Variants in DUS3L observed in about 807,000 individuals in gnomAD.
DUS3L encodes the protein tRNA-dihydrouridine(47) synthase [NAD(P)(+)]-like.
Under a neutral mutation model 74.6 loss-of-function variants are expected in DUS3L, and 62 were observed. The ratio of observed to expected loss-of-function variants is 0.83; its 90% CI spans 0.68 to 1.03. DUS3L has a LOEUF of 1.03. Among genes scored for constraint, DUS3L ranks in the 50% least tolerant of loss-of-function variants. DUS3L has a pLI of 0.00. For synonymous variants in DUS3L, 433 were observed against 395.7 expected, an observed-to-expected ratio of 1.09 and a Z score of -1.12; for missense variants, 884 against 924.4, an observed-to-expected ratio of 0.96 and a Z score of 0.57.
intron 9 of DUS3L, 100 bp from the exon 10 acceptor site, chr19:5,786,642 C>T: frequency 6.4e-7 from 1 of 1,570,538 alleles, no homozygotes; most frequent in Non-Finnish European, 8.7e-7. Context: ...CCCAGTGGCT[C>T]CCATCAGGGT....
chr19:5,787,823 C>G, intron 5 of DUS3L, 118 bp from the exon 6 acceptor site: 1 of 1,446,906 alleles, frequency 6.9e-7, no homozygotes, highest in Non-Finnish European at 9.5e-7. Context: ...CGGGGCCTCC[C>G]CGGAAGGAGC....
At chr19:5,786,110 C>A in intron 10 of DUS3L, 1 of 466,620 alleles carries the variant, frequency 2.1e-6, no homozygotes, top group Non-Finnish European at 3.8e-6. Context: ...TACCACTACA[C>A]CTGGCTAATT....
At chr19:5,785,949 A>C in intron 10 of DUS3L, 158 bp from the exon 11 acceptor site, 1 of 780,840 alleles carries the variant, frequency 1.3e-6, no homozygotes, top group Non-Finnish European at 1.9e-6. Context: ...AAAGCACAGG[A>C]CTTTCTTTTG....
Position 5,789,682 on chromosome 19 carries a change from C to A in DUS3L, c.425G>T (p.Arg142Leu). ...AAKCFFGDRC[R>L]FLHDVGRYLE... Reference sequence around the variant, plus strand: ...GTAGCGCCCCACGTCGTGCAGAAAGCGGCAGCGATCACCGAAGAAACACTT... The same window carrying A: ...GTAGCGCCCCACGTCGTGCAGAAAGAGGCAGCGATCACCGAAGAAACACTT... The change falls in exon 3 of 13, where the codon CGC becomes CTC. Residue 142 changes from arginine (R) to leucine (L), a missense_variant. Coordinates refer to ENST00000309061, the MANE Select transcript of DUS3L (RefSeq NM_020175.3). The A allele has an allele frequency of 6.2e-7, 1 of 1,608,826 alleles. No homozygotes were observed. Among genetic ancestry groups the A allele is most frequent in the Non-Finnish European group, 8.5e-7 (1 of 1,178,488 alleles).
chr19:5,786,138 G>C (rs1599617020), intron 10 of DUS3L: 1 of 458,490 alleles, frequency 2.2e-6, no homozygotes, highest in South Asian at 3.2e-5. Context: ...TTTTAATAGA[G>C]ATGTTTCACC....
Position 5,785,511 on chromosome 19 carries a change from C to G in DUS3L, c.1752G>C (p.Arg584=). 6.4e-7 allele frequency: 1 copy of G among 1,550,464 alleles called. No homozygotes were observed. ...FLLEWLSFLC[R]YVPVGLLERL... ...GCTCCAGCAGCCCCACGGGCACGTACCTGCGGCGGGTGGGCGGGCAGGACA... is the reference window on the plus strand; with the variant it reads ...GCTCCAGCAGCCCCACGGGCACGTAGCTGCGGCGGGTGGGCGGGCAGGACA... Residue 584 remains arginine, a splice_region_variant and synonymous_variant, in exon 12 of 13, where the codon CGG becomes CGC. Coordinates refer to ENST00000309061, the MANE Select transcript of DUS3L (RefSeq NM_020175.3).
Position 5,785,485 on chromosome 19 carries a change from C to T in DUS3L, c.1778G>A (p.Arg593Gln), listed in dbSNP as rs369595939. Residue 593 changes from arginine (R) to glutamine (Q), a missense_variant, in exon 12 of 13, where the codon CGG becomes CAG. Arg to Gln is a conservative substitution (Grantham distance 43). Transcript: ENST00000309061. ...CCGCTCGTTGATCCTCTGTGGGAGCCGCTCCAGCAGCCCCACGGGCACGTA... is the reference window on the plus strand; with the variant it reads ...CCGCTCGTTGATCCTCTGTGGGAGCTGCTCCAGCAGCCCCACGGGCACGTA... ...CRYVPVGLLE[R>Q]LPQRINERPP... 1.3e-5 allele frequency: 21 copies of T among 1,572,744 alleles called. No homozygotes were observed. The highest frequency in any genetic ancestry group is 1.3e-4 in the South Asian group (11 of 85,670).
chr19:5,788,303 GAA>G, intron 4 of DUS3L, 52 bp downstream of exon 4: 1 of 1,612,596 alleles, frequency 6.2e-7, no homozygotes, highest in Non-Finnish European at 8.5e-7. Flanking sequence ...AGCCCTGTTG[GAA>G]TGACCACACT....
At position 5,786,536 on chromosome 19, in the gene DUS3L, C is replaced by T; in HGVS notation, c.1493G>A (p.Gly498Glu). ...AASPMPLFGNGDILSFEDANR... is the reference protein window; with the variant it reads ...AASPMPLFGNEDILSFEDANR... ...GGCATCCTCAAATGACAAGATGTCC[C>T]CATTTCCTGAGGAGACAGAGGCTGG... Residue 498 changes from glycine to glutamate, a missense_variant, in exon 10 of 13, where the codon GGG (glycine) becomes GAG (glutamate). Transcript: ENST00000309061. The T allele has an allele frequency of 6.2e-7, 1 of 1,612,970 alleles. No individual in the cohort carries two copies. Among genetic ancestry groups the T allele is most frequent in the Non-Finnish European group, 8.5e-7 (1 of 1,179,898 alleles).
At chr19:5,789,995 C>T (rs1166949290) in intron 2 of DUS3L, 52 bp downstream of exon 2, 3 of 1,599,890 alleles carry the variant, frequency 1.9e-6, no homozygotes, top group Admixed American at 1.7e-5. Context: ...TGCCAGGAAA[C>T]ACACCCTGCT....
rs1234887024 is a variant in DUS3L, at chr19:5,789,612, G to A, written c.495C>T (p.Phe165=). Residue 165 remains phenylalanine, a synonymous_variant, in exon 3 of 13, where the codon TTC becomes TTT. Coordinates refer to ENST00000309061, the MANE Select transcript of DUS3L (RefSeq NM_020175.3). ...PADLGPRCVL[F]ETFGRCPYGV... Reference sequence around the variant, plus strand: ...CGTAGGGGCACCGGCCGAAGGTCTCGAAGAGCACGCAGCGGGGGCCCAGGT... The same window carrying A: ...CGTAGGGGCACCGGCCGAAGGTCTCAAAGAGCACGCAGCGGGGGCCCAGGT... The A allele has an allele frequency of 1.3e-6, 2 of 1,595,848 alleles. No homozygotes were observed. The highest frequency in any genetic ancestry group is 1.3e-5 in the African/African-American group (1 of 74,882).
Position 5,790,047 on chromosome 19 carries a change from C to T in DUS3L, c.387G>A (p.Gln129=). 2 of 1,611,900 alleles carry T rather than the reference C, an allele frequency of 1.2e-6. No individual in the cohort carries two copies. Among genetic ancestry groups the T allele is most frequent in the African/African-American group, 1.3e-5 (1 of 74,992 alleles). ...GGAATGCTCACGTGGCCGCACTTGC[C>T]TGGATTAGGGAGGGACACAGCCTGT... ...DKNRLCPSLI[Q]ESAAKCFFGD... is the part of the protein sequence containing the mutation. The change falls in exon 2 of 13, where the codon CAG becomes CAA. Residue 129 remains glutamine (Q), a splice_region_variant and synonymous_variant. Transcript: ENST00000309061.
intron 3 of DUS3L, 24 bp downstream of exon 3, chr19:5,789,183 A>G: frequency 6.6e-7 from 1 of 1,512,666 alleles, no homozygotes; most frequent in South Asian, 1.3e-5. Context: ...CAGATCTGCT[A>G]CTGACGTTGT....
intron 5 of DUS3L, 114 bp downstream of exon 5, chr19:5,787,910 T>G: frequency 6.6e-7 from 1 of 1,508,758 alleles, no homozygotes; most frequent in Admixed American, 1.9e-5. Flanking sequence ...TCACCCCCAC[T>G]CCACAGCTGA....
Position 5,786,483 on chromosome 19 carries a change from C to T in DUS3L, c.1546G>A (p.Gly516Arg), listed in dbSNP as rs769366681. 37 of 1,612,804 alleles carry T rather than the reference C, an allele frequency of 2.3e-5. No homozygotes were observed. The highest frequency in any genetic ancestry group is 1.8e-4 in the South Asian group (16 of 91,024). The change falls in exon 10 of 13, where the codon GGG becomes AGG. Residue 516 changes from glycine to arginine, a missense_variant. Physicochemically the swap from Gly to Arg is moderately radical, Grantham distance 125 (BLOSUM62 -2). Transcript: ENST00000309061. ...ANRAMQTGVT[G>R]IMIARGALLK... ...GGCACTTACCGGGCAATCATGATCC[C>T]GGTGACACCAGTCTGCATGGCGCGG...
chr19:5,789,056 A>C, intron 3 of DUS3L, 151 bp downstream of exon 3: 1 of 1,189,482 alleles, frequency 8.4e-7, no homozygotes, highest in Non-Finnish European at 1.1e-6. Context: ...CCCAGGACAG[A>C]GCACAGAGAG....
At position 5,785,447 on chromosome 19, in the gene DUS3L, G is replaced by C; in HGVS notation, c.1816C>G (p.Leu606Val). Residue 606 changes from leucine to valine, a missense_variant, in exon 12 of 13, where the codon CTG becomes GTG. Physicochemically the swap from Leu to Val is conservative, Grantham distance 32. Coordinates refer to ENST00000309061, the MANE Select transcript of DUS3L (RefSeq NM_020175.3). ...QRINERPPYY[L>V]GRDYLETLMA... ...AGCGTCTCCAGGTAGTCGCGGCCCA[G>C]GTAGTAGGGCGGCCGCTCGTTGATC... 2 of 1,590,406 alleles carry C rather than the reference G, an allele frequency of 1.3e-6. No individual in the cohort carries two copies. Among genetic ancestry groups the C allele is most frequent in the Non-Finnish European group, 1.7e-6 (2 of 1,168,174 alleles).
chr19:5,789,733 G>A lies in DUS3L; in HGVS notation c.388-14C>T, dbSNP rs2056891502. On this transcript the variant is annotated splice_polypyrimidine_tract_variant and intron_variant, in intron 2 of 12. Coordinates refer to ENST00000309061, the MANE Select transcript of DUS3L (RefSeq NM_020175.3). The stretch of plus-strand genomic sequence containing the variant: ...AGCAGCCGACTCCTGCGAGGAAACA[G>A]GGAAGCAGTGAGGGAGGACAGGGAG... The A allele has an allele frequency of 6.3e-7, 1 of 1,588,034 alleles. No homozygotes were observed. The highest frequency in any genetic ancestry group is 8.6e-7 in the Non-Finnish European group (1 of 1,168,446).
intron 6 of DUS3L, 74 bp downstream of exon 6, chr19:5,787,515 C>T: frequency 6.4e-7 from 1 of 1,560,744 alleles, no homozygotes. Flanking sequence ...TGACCCTCCA[C>T]CGAGACATCG....
Sources: gnomAD v4.1 joint callset for allele counts on GRCh38, gnomAD v4.1.1 for gene constraint, MANE v1.5 for transcripts, NCBI Gene and HGNC (gene_info 2026-07-23, HGNC 2026-07-21) for gene names.